The following PALM2AKAP2 variants were observed in gnomAD, a reference collection of about 807,000 sequenced individuals.
PALM2AKAP2 encodes the protein PALM2-AKAP2 fusion protein.
A neutral mutation model predicts 71.5 loss-of-function variants in PALM2AKAP2; 37 were observed. The observed-to-expected ratio is 0.52, with a 90% CI of 0.40 to 0.68. The LOEUF is 0.68. Ranked by LOEUF, PALM2AKAP2 falls within the 30% of genes least tolerant of loss-of-function variation. The pLI, the probability that PALM2AKAP2 is intolerant of heterozygous loss-of-function variation, is 0.00. For missense variants in PALM2AKAP2, 1,224 were observed against 1,191.8 expected (o/e 1.03, Z -0.40); for synonymous variants, 468 against 478.8 (o/e 0.98, Z 0.29).
At chr9:110,171,087 ACTTAC>A (rs1335500948) in exon 4 of PALM2AKAP2, 1 of 152,224 alleles carries the variant, frequency 6.6e-6, no homozygotes, top group African/African-American at 2.4e-5. Context: ...CATCCTTATG[ACTTAC>A]CTTAAAGTTT....
At chr9:109,643,192 T>C (rs1193690749) in intron 1 of PALM2AKAP2, among the ~76,000 whole-genome samples, 3 of 152,176 alleles carry the variant, frequency 2.0e-5, no homozygotes, top group Non-Finnish European at 4.4e-5. Flanking sequence ...CCACTGTTGA[T>C]GTGAGAACTA....
chr9:110,066,468 A>C (rs1834081743), intron 1 of PALM2AKAP2, among the ~76,000 whole-genome samples: 1 of 152,216 alleles, frequency 6.6e-6, no homozygotes, highest in Non-Finnish European at 1.5e-5. Flanking sequence ...AGGCTAAGGC[A>C]GGAGGATTAC....
intron 1 of PALM2AKAP2, among the ~76,000 whole-genome samples, chr9:109,833,691 A>T (rs1021924254): frequency 1.3e-5 from 2 of 152,222 alleles, no homozygotes; most frequent in Admixed American, 1.3e-4. Context: ...AGTACAGGGT[A>T]CTTAGCATGT....
At chr9:110,127,134 A>G (rs558511631) in intron 1 of PALM2AKAP2, among the ~76,000 whole-genome samples, 2 of 152,284 alleles carry the variant, frequency 1.3e-5, no homozygotes, top group African/African-American at 4.8e-5. Flanking sequence ...AAAAGGCTGG[A>G]CCTGCAGGAG....
chr9:109,870,374 C>T (rs184322365), intron 2 of PALM2AKAP2, among the ~76,000 whole-genome samples: 3 of 152,284 alleles, frequency 2.0e-5, no homozygotes, highest in East Asian at 1.9e-4. Flanking sequence ...CTAGTGGCCT[C>T]GCCCCTGGAT....
At chr9:109,779,525 A>AT (rs200092431), upstream of PALM2AKAP2, among the ~76,000 whole-genome samples, 2,557 of 149,960 alleles carry the variant, frequency 0.017, 83 homozygotes, top group African/African-American at 0.062. Context: ...GTGATCCTCC[A>AT]TTTTTTCAGA....
intron 5 of PALM2AKAP2, among the ~76,000 whole-genome samples, chr9:109,931,207 G>A (rs1831093386): frequency 6.6e-6 from 1 of 152,158 alleles, no homozygotes. Flanking sequence ...TGCTCCCCAT[G>A]TCTCACCTCC....
intron 1 of PALM2AKAP2, among the ~76,000 whole-genome samples, chr9:110,128,521 G>T (rs1029737009): frequency 6.6e-6 from 1 of 152,202 alleles, no homozygotes; most frequent in Non-Finnish European, 1.5e-5. Flanking sequence ...TAAAGGATCG[G>T]GTCACCTATT....
chr9:109,809,217 G>A (rs1028887132), intron 1 of PALM2AKAP2, among the ~76,000 whole-genome samples: 7 of 152,130 alleles, frequency 4.6e-5, no homozygotes, highest in Non-Finnish European at 7.4e-5. Flanking sequence ...AGCTTTCATC[G>A]TGCAACTAGA....
At chr9:109,785,552 T>A (rs562719162) in intron 1 of PALM2AKAP2, among the ~76,000 whole-genome samples, 1 of 152,352 alleles carries the variant, frequency 6.6e-6, no homozygotes, top group East Asian at 1.9e-4. Context: ...TAGTTCCACG[T>A]GGCTGGGGAG....
chr9:109,779,629 C>T (rs892454451), upstream of PALM2AKAP2, among the ~76,000 whole-genome samples: 1 of 152,224 alleles, frequency 6.6e-6, no homozygotes, highest in African/African-American at 2.4e-5. Context: ...GGACTAAAAA[C>T]TCTCGGCTTC....
chr9:109,990,928 G>A (rs1832468827), intron 6 of PALM2AKAP2, among the ~76,000 whole-genome samples: 3 of 152,174 alleles, frequency 2.0e-5, no homozygotes, highest in South Asian at 2.1e-4. Flanking sequence ...TTTTGGTGCC[G>A]AGTAATTTGT....
chr9:109,867,400 A>T (rs747097013), intron 1 of PALM2AKAP2, 91 bp from the exon 2 acceptor site: 13 of 1,439,836 alleles, frequency 9.0e-6, no homozygotes, highest in Non-Finnish European at 1.3e-5. Flanking sequence ...GTCTATACAG[A>T]TGTGTGCTGC....
chr9:109,892,615 G>T (rs998220018), intron 3 of PALM2AKAP2, among the ~76,000 whole-genome samples: 1 of 152,022 alleles, frequency 6.6e-6, no homozygotes, highest in Non-Finnish European at 1.5e-5. Context: ...TTGCCATGAG[G>T]TTCAGAAACC....
intron 2 of PALM2AKAP2, among the ~76,000 whole-genome samples, chr9:110,141,188 G>A (rs1836019112): frequency 6.6e-6 from 1 of 152,084 alleles, no homozygotes; most frequent in Non-Finnish European, 1.5e-5. Flanking sequence ...AAACAAGTCA[G>A]CATCCTAAGG....
exon 2 of PALM2AKAP2, chr9:110,136,569 C>A: frequency 6.2e-7 from 1 of 1,613,488 alleles, no homozygotes. Context: ...AGCCGGCAGG[C>A]ACCTCCTCAC....
Position 110,085,477 on chromosome 9 carries a change from A to G in PALM2AKAP2, c.156+36622A>G, listed in dbSNP as rs1834549204. On this transcript the variant is annotated intron_variant, in intron 1 of 3. Transcript: ENST00000374525. ...AACAGGTGGATTTCTTGATGTATGG[A>G]TGTAGAAAATACTACTGTGATGTTT... is the stretch of plus-strand genomic sequence containing the variant. 2.0e-5 allele frequency among the ~76,000 whole-genome samples: 3 copies of G among 152,202 alleles called. No homozygotes were observed. The South Asian group carries it at 6.2e-4, about 31-fold the overall frequency.
chr9:110,004,180 T>G (rs1832734244), intron 6 of PALM2AKAP2, among the ~76,000 whole-genome samples: 1 of 152,218 alleles, frequency 6.6e-6, no homozygotes, highest in South Asian at 2.1e-4. Context: ...GTTTTTCCTT[T>G]CCACGTTTAG....
intron 1 of PALM2AKAP2, among the ~76,000 whole-genome samples, chr9:110,132,381 T>TA (rs1391001830): frequency 1.3e-5 from 2 of 150,754 alleles, no homozygotes; most frequent in Non-Finnish European, 3.0e-5. Flanking sequence ...TTCTTTTTGA[T>TA]ACCAAGCCTC....
Sources: gnomAD v4.1 joint callset for allele counts (sites outside exome capture counted in the v4.1 genomes callset) on GRCh38, gnomAD v4.1.1 for gene constraint, MANE v1.5 for transcripts, NCBI Gene and HGNC (gene_info 2026-07-23, HGNC 2026-07-21) for gene names.